The following ADAMTS16 variants were observed in gnomAD, a reference collection of about 807,000 sequenced individuals.
The protein encoded by ADAMTS16 is A disintegrin and metalloproteinase with thrombospondin motifs 16.
In ADAMTS16, 94 loss-of-function variants were observed where a neutral mutation model predicts 145.8. The ratio of observed to expected loss-of-function variants is 0.64; its 90% CI spans 0.55 to 0.77. The LOEUF (loss-of-function observed/expected upper bound fraction) is 0.77. Ranked by LOEUF, ADAMTS16 falls within the 30% of genes least tolerant of loss-of-function variation. The pLI is 0.00. For missense variants in ADAMTS16, 1,585 were observed against 1,591.5 expected, an observed-to-expected ratio of 1.00 and a Z score of 0.07; for synonymous variants, 659 against 604.3, an observed-to-expected ratio of 1.09 and a Z score of -1.33.
At position 5,218,894 on chromosome 5, in the gene ADAMTS16, C is replaced by T. The variant is rs141730234; in HGVS notation, c.1606-3895C>T. On this transcript the variant is annotated intron_variant, in intron 10 of 22. Transcript: ENST00000274181. ...CATCTTTCCACCGTCACTGGTCTGCCGGTCTGCTGGTGTCTGCTGGTCTGT... is the reference window on the plus strand; with the variant it reads ...CATCTTTCCACCGTCACTGGTCTGCTGGTCTGCTGGTGTCTGCTGGTCTGT... Among the ~76,000 whole-genome samples the T allele has an allele frequency of 6.6e-5, 10 of 152,240 alleles. No homozygotes were observed. The East Asian group carries it at 1.5e-3, about 23-fold the overall frequency.
chr5:5,218,923 T>A (rs1736513609), intron 10 of ADAMTS16, among the ~76,000 whole-genome samples: 1 of 152,206 alleles, frequency 6.6e-6, no homozygotes, highest in East Asian at 1.9e-4. Context: ...GGTCTGTTCC[T>A]CTGCTTCTCT....
chr5:5,150,096 T>G (rs1017178851), intron 3 of ADAMTS16, among the ~76,000 whole-genome samples: 4 of 152,234 alleles, frequency 2.6e-5, no homozygotes, highest in African/African-American at 9.6e-5. Context: ...CTTAACGTTT[T>G]GAGGAATTTT....
At chr5:5,302,008 G>A (rs1206361884) in intron 18 of ADAMTS16, among the ~76,000 whole-genome samples, 3 of 152,148 alleles carry the variant, frequency 2.0e-5, no homozygotes, top group South Asian at 2.1e-4. Context: ...AACATGAATG[G>A]AAATCATCAA....
intron 17 of ADAMTS16, among the ~76,000 whole-genome samples, chr5:5,257,424 C>A (rs759590088): frequency 4.9e-4 from 74 of 152,068 alleles, no homozygotes; most frequent in Non-Finnish European, 9.8e-4. Context: ...AGATGACACA[C>A]AAATGTTAAC....
chr5:5,192,317 T>A (rs919331994), intron 8 of ADAMTS16, among the ~76,000 whole-genome samples: 1 of 152,198 alleles, frequency 6.6e-6, no homozygotes, highest in Non-Finnish European at 1.5e-5. Context: ...GATTCCTCTG[T>A]CCCGTGTTTT....
intron 11 of ADAMTS16, among the ~76,000 whole-genome samples, chr5:5,231,351 G>C (rs779882477): frequency 6.6e-6 from 1 of 152,126 alleles, no homozygotes; most frequent in African/African-American, 2.4e-5. Context: ...GCCAACACTG[G>C]TCAGATATCA....
At chr5:5,149,190 C>T (rs1016110719) in intron 3 of ADAMTS16, among the ~76,000 whole-genome samples, 1 of 152,148 alleles carries the variant, frequency 6.6e-6, no homozygotes, top group Non-Finnish European at 1.5e-5. Context: ...CTGGTATTGC[C>T]ACCAAGTATC....
intron 18 of ADAMTS16, among the ~76,000 whole-genome samples, chr5:5,297,593 A>G (rs1468263232): frequency 6.6e-6 from 1 of 152,192 alleles, no homozygotes; most frequent in Non-Finnish European, 1.5e-5. Context: ...TTCCCCCATC[A>G]GTGAAAGCTC....
At chr5:5,286,609 A>C (rs1043077216) in intron 18 of ADAMTS16, among the ~76,000 whole-genome samples, 1 of 152,192 alleles carries the variant, frequency 6.6e-6, no homozygotes, top group Non-Finnish European at 1.5e-5. Context: ...CTGTAATCCC[A>C]GCACTTTGGG....
chr5:5,314,947 A>G (rs1472080421), intron 21 of ADAMTS16, among the ~76,000 whole-genome samples: 1 of 152,232 alleles, frequency 6.6e-6, no homozygotes, highest in African/African-American at 2.4e-5. Flanking sequence ...TCAAGTGCCT[A>G]GAACAGTGCC....
At chr5:5,146,026 TG>T in intron 2 of ADAMTS16, 103 bp from the exon 3 acceptor site, 1 of 983,978 alleles carries the variant, frequency 1.0e-6, no homozygotes, top group Non-Finnish European at 1.5e-6. Flanking sequence ...CATTTTTGAC[TG>T]GGTGGAAAGG....
intron 3 of ADAMTS16, among the ~76,000 whole-genome samples, chr5:5,170,523 C>T (rs1735016390): frequency 6.6e-6 from 1 of 152,068 alleles, no homozygotes; most frequent in African/African-American, 2.4e-5. Flanking sequence ...GGATTACAGG[C>T]ATGCGCCATC....
chr5:5,206,425 C>CAAAAAAAA (rs1173829992), intron 9 of ADAMTS16, among the ~76,000 whole-genome samples: 1,128 of 39,408 alleles, frequency 0.029, 93 homozygotes, highest in East Asian at 0.08. Context: ...GACTCCGTCT[C>CAAAAAAAA]AAAAAAAAAA....
chr5:5,235,001 A>G lies in ADAMTS16; in HGVS notation c.1851-13A>G. On this transcript the variant is annotated splice_polypyrimidine_tract_variant and intron_variant, in intron 12 of 22. Coordinates refer to ENST00000274181, the MANE Select transcript of ADAMTS16 (RefSeq NM_139056.4). ...AAAATATAAAAATTCTAACTTCAAA[A>G]TACACATTCCAGGCCATCGCATGGA... 6.5e-7 allele frequency: 1 copy of G among 1,529,606 alleles called. No homozygotes were observed. Among genetic ancestry groups the G allele is most frequent in the Non-Finnish European group, 8.9e-7 (1 of 1,129,592 alleles). The allele number at this position is 1,529,606 out of a possible 1,614,324, so 94.8% of individuals were successfully genotyped here.
chr5:5,215,868 G>GTA (rs1736419755), intron 10 of ADAMTS16, among the ~76,000 whole-genome samples: 1 of 51,086 alleles, frequency 2.0e-5, no homozygotes, highest in African/African-American at 5.9e-5. Context: ...TGGTGTGTAT[G>GTA]TGTATATATA....
intron 17 of ADAMTS16, among the ~76,000 whole-genome samples, chr5:5,258,561 C>T (rs77619027): frequency 0.022 from 3,324 of 152,304 alleles, 114 homozygotes; most frequent in African/African-American, 0.074. Context: ...CCAAGGAATC[C>T]AGAGAAGCAG....
chr5:5,171,454 C>A (rs1735040273), intron 3 of ADAMTS16, among the ~76,000 whole-genome samples: 1 of 152,004 alleles, frequency 6.6e-6, no homozygotes, highest in South Asian at 2.1e-4. Context: ...CCTTCTATAC[C>A]CAGTGTTTTG....
rs181678940 is a variant in ADAMTS16 at position 5,222,501 on chromosome 5, T to A, written c.1606-288T>A. On this transcript the variant is annotated intron_variant, in intron 10 of 22. Coordinates refer to ENST00000274181, the MANE Select transcript of ADAMTS16 (RefSeq NM_139056.4). ...TTTAACTTTTTATAGTTTTCTGCAA[T>A]GTCTGAATTAAGCATATTTTACATT... is the stretch of plus-strand genomic sequence containing the variant. 3.3e-5 allele frequency among the ~76,000 whole-genome samples: 5 copies of A among 152,328 alleles called. No homozygotes were observed. In the East Asian group the frequency reaches 9.6e-4, roughly 29 times the overall value.
intron 18 of ADAMTS16, among the ~76,000 whole-genome samples, chr5:5,276,820 C>T (rs1738719964): frequency 6.6e-6 from 1 of 151,898 alleles, no homozygotes; most frequent in African/African-American, 2.4e-5. Flanking sequence ...GACCACTAGC[C>T]TCGTTTTTCT....
Sources: allele counts gnomAD v4.1 joint callset (sites outside exome capture counted in the v4.1 genomes callset), GRCh38; gene constraint gnomAD v4.1.1; transcripts MANE v1.5; gene names NCBI Gene and HGNC (gene_info 2026-07-23, HGNC 2026-07-21).